The following CNTN4 variants were observed in gnomAD, a reference collection of about 807,000 sequenced individuals.
CNTN4 encodes the protein contactin 4, also known as contactin-4.
Under a neutral mutation model 122.5 loss-of-function variants are expected in CNTN4, and 77 were observed. The observed-to-expected ratio is 0.63, with a 90% CI of 0.52 to 0.76. The LOEUF (loss-of-function observed/expected upper bound fraction) is 0.76, where lower values mean the gene tolerates loss of function less well. Ranked by LOEUF, CNTN4 falls within the 30% of genes least tolerant of loss-of-function variation. CNTN4 has a pLI of 0.00. For missense variants in CNTN4, 1,256 were observed against 1,259.1 expected (o/e 1.00, Z 0.04); for synonymous variants, 512 against 447.0 (o/e 1.15, Z -1.83).
intron 2 of CNTN4, among the ~76,000 whole-genome samples, chr3:2,277,863 T>G (rs1000298070): frequency 1.3e-5 from 2 of 152,182 alleles, no homozygotes; most frequent in Non-Finnish European, 2.9e-5. Context: ...ATCTGTCAAT[T>G]TCTTCTTCCT....
chr3:2,140,697 C>T (rs1193374087), intron 2 of CNTN4, among the ~76,000 whole-genome samples: 11 of 152,160 alleles, frequency 7.2e-5, no homozygotes, highest in Admixed American at 7.2e-4. Flanking sequence ...ACATTCAGAC[C>T]ATAGCATAGG....
At chr3:2,329,400 T>C (rs1023777788) in intron 2 of CNTN4, among the ~76,000 whole-genome samples, 1 of 152,244 alleles carries the variant, frequency 6.6e-6, no homozygotes, top group African/African-American at 2.4e-5. Context: ...AACGCCATTA[T>C]GTCACCCACT....
chr3:2,170,250 G>A (rs913128058), intron 2 of CNTN4, among the ~76,000 whole-genome samples: 1 of 152,012 alleles, frequency 6.6e-6, no homozygotes, highest in Non-Finnish European at 1.5e-5. Flanking sequence ...AACCCGGGAG[G>A]CGGAGCTTGC....
intron 5 of CNTN4, among the ~76,000 whole-genome samples, chr3:2,742,212 G>A (rs892004177): frequency 6.6e-6 from 1 of 151,834 alleles, no homozygotes; most frequent in Non-Finnish European, 1.5e-5. Context: ...CTCAGACACC[G>A]CAACTGACCT....
intron 3 of CNTN4, among the ~76,000 whole-genome samples, chr3:2,479,617 G>A (rs532472170): frequency 1.3e-5 from 2 of 152,302 alleles, no homozygotes; most frequent in Admixed American, 1.3e-4. Flanking sequence ...TGAGGAACTG[G>A]GGGAGGGACT....
chr3:2,185,157 C>T (rs1047197417), intron 2 of CNTN4, among the ~76,000 whole-genome samples: 6 of 152,150 alleles, frequency 3.9e-5, no homozygotes, highest in African/African-American at 1.2e-4. Context: ...TTCTGCAGGG[C>T]ACCTTGCTGA....
intron 2 of CNTN4, among the ~76,000 whole-genome samples, chr3:2,252,200 A>T (rs981900819): frequency 6.6e-6 from 1 of 151,952 alleles, no homozygotes; most frequent in Non-Finnish European, 1.5e-5. Context: ...TCCCTCCAAC[A>T]TAGTTGAGTG....
intron 2 of CNTN4, among the ~76,000 whole-genome samples, chr3:2,285,663 A>C (rs1473685812): frequency 1.3e-5 from 2 of 152,140 alleles, no homozygotes; most frequent in African/African-American, 4.8e-5. Context: ...AATCTAGATA[A>C]GCAGAGCCAA....
chr3:2,632,844 A>G (rs1254484495), intron 4 of CNTN4, among the ~76,000 whole-genome samples: 1 of 152,106 alleles, frequency 6.6e-6, no homozygotes, highest in Non-Finnish European at 1.5e-5. Flanking sequence ...TAAATTCCCC[A>G]GGGTTGCCCT....
chr3:3,037,178 G>C lies in CNTN4; in HGVS notation c.1943-1G>C. On this transcript the variant is annotated splice_acceptor_variant, in intron 17 of 24. Coordinates refer to ENST00000418658, the MANE Select transcript of CNTN4 (RefSeq NM_175607.3). LOFTEE classifies it high-confidence loss of function. ...AGCCCCCACCTTTTGTTGTCTTTCA[G>C]TCCCAGAACTCATTGATGGGAAGAC... is the stretch of plus-strand genomic sequence containing the variant. The C allele has an allele frequency of 6.2e-7, 1 of 1,614,162 alleles. No individual in the cohort carries two copies. The highest frequency in any genetic ancestry group is 8.5e-7 in the Non-Finnish European group (1 of 1,180,016).
At chr3:2,968,055 T>C (rs1282396614) in intron 13 of CNTN4, among the ~76,000 whole-genome samples, 2 of 152,168 alleles carry the variant, frequency 1.3e-5, no homozygotes, top group Non-Finnish European at 2.9e-5. Flanking sequence ...TCTGTTCAGA[T>C]GGTATCAGCT....
intron 3 of CNTN4, among the ~76,000 whole-genome samples, chr3:2,349,781 GATCTTGGAGT>G (rs1441322447): frequency 6.6e-6 from 1 of 152,122 alleles, no homozygotes; most frequent in Admixed American, 6.6e-5. Flanking sequence ...AGTGAACTAA[GATCTTGGAGT>G]ACTAATGGAC....
intron 4 of CNTN4, 24 bp downstream of exon 4, chr3:2,571,582 T>C (rs2079420955): frequency 1.1e-5 from 18 of 1,584,266 alleles, no homozygotes; most frequent in Non-Finnish European, 1.5e-5. Flanking sequence ...TTAAAACTTT[T>C]TGATTTAGAA....
chr3:2,337,363 A>G (rs1013119159), intron 2 of CNTN4, among the ~76,000 whole-genome samples: 14 of 152,136 alleles, frequency 9.2e-5, no homozygotes, highest in Admixed American at 7.2e-4. Flanking sequence ...TTTTGTGTGT[A>G]CAGTCACCAT....
At chr3:2,418,574 G>C (rs574197779) in intron 3 of CNTN4, among the ~76,000 whole-genome samples, 1 of 152,226 alleles carries the variant, frequency 6.6e-6, no homozygotes, top group Middle Eastern at 3.4e-3. Context: ...GCATAAGGCT[G>C]TAATTTGGCG....
intron 3 of CNTN4, among the ~76,000 whole-genome samples, chr3:2,420,584 C>T (rs1233095146): frequency 1.3e-5 from 2 of 152,032 alleles, no homozygotes; most frequent in Non-Finnish European, 2.9e-5. Flanking sequence ...TACAGACATG[C>T]ACTACCATGC....
intron 4 of CNTN4, among the ~76,000 whole-genome samples, chr3:2,658,277 G>C (rs1300535889): frequency 6.6e-6 from 1 of 151,698 alleles, no homozygotes; most frequent in Non-Finnish European, 1.5e-5. Flanking sequence ...CCCAGCAAGA[G>C]TCCCTGTTTT....
chr3:2,901,412 G>A (rs1257913538), intron 11 of CNTN4, among the ~76,000 whole-genome samples: 2 of 152,088 alleles, frequency 1.3e-5, no homozygotes, highest in Admixed American at 6.6e-5. Context: ...GTGCCTGCTC[G>A]GAGCAATGGC....
chr3:3,019,698 CTG>C (rs563918361), intron 14 of CNTN4, among the ~76,000 whole-genome samples: 261 of 145,088 alleles, frequency 1.8e-3, no homozygotes, highest in African/African-American at 6.0e-3. Flanking sequence ...ATGTGTGTGT[CTG>C]TGTGTGTGTG....
Sources: gnomAD v4.1 joint callset for allele counts (sites outside exome capture counted in the v4.1 genomes callset) on GRCh38, gnomAD v4.1.1 for gene constraint, MANE v1.5 for transcripts, NCBI Gene and HGNC (gene_info 2026-07-23, HGNC 2026-07-21) for gene names.